TMEM184B: variants seen among roughly 807,000 people sequenced by gnomAD.
TMEM184B encodes transmembrane protein 184B, also known as putative MAPK-activating protein FM08.
Under a neutral mutation model 41.8 loss-of-function variants are expected in TMEM184B, and 17 were observed. The ratio of observed to expected loss-of-function variants is 0.41; its 90% CI spans 0.28 to 0.61. TMEM184B has a LOEUF of 0.61. Among genes scored for constraint, TMEM184B ranks in the 20% least tolerant of loss-of-function variants. The probability of loss-of-function intolerance (pLI) is 0.34; values close to 1 mark genes in which losing one functional copy is unlikely to be tolerated. For synonymous variants in TMEM184B, 240 were observed against 229.5 expected (o/e 1.05, Z -0.41); for missense variants, 393 against 557.8 (o/e 0.70, Z 2.98).
At chr22:38,230,774 C>T (rs371542740) in intron 4 of TMEM184B, 30 bp from the exon 5 acceptor site, 168 of 1,601,260 alleles carry the variant, frequency 1.0e-4, no homozygotes, top group Non-Finnish European at 1.3e-4. Flanking sequence ...CAGGCAGTGG[C>T]AGTGAGTGAA....
rs1420510576 is a variant in TMEM184B, at chr22:38,226,140, C to T, written c.618-547G>A. ...TGTCACCCAGGCTAGAGTGCAATGG[C>T]GTGATCTTGGCTCACCGCAACCTCT... is the stretch of plus-strand genomic sequence containing the variant. On this transcript the variant is annotated intron_variant, in intron 6 of 8. Transcript: ENST00000361906. The surrounding 1 kb of genome is among the most constrained non-coding windows in gnomAD (Gnocchi z 4.6). 6.7e-6 allele frequency among the ~76,000 whole-genome samples: 1 copy of T among 149,784 alleles called. No homozygotes were observed. The highest frequency in any genetic ancestry group is 1.5e-5 in the Non-Finnish European group (1 of 67,806).
chr22:38,227,502 C>T (rs1407263886), intron 5 of TMEM184B, among the ~76,000 whole-genome samples: 2 of 152,154 alleles, frequency 1.3e-5, no homozygotes, highest in East Asian at 3.9e-4. Context: ...TCCTCCCATC[C>T]TCCATGTCCA....
intron 1 of TMEM184B, among the ~76,000 whole-genome samples, chr22:38,250,419 G>A (rs999346508): frequency 2.6e-5 from 4 of 152,188 alleles, no homozygotes; most frequent in South Asian, 2.1e-4. Context: ...TGGAGAAGGC[G>A]TCTATATAAA....
chr22:38,262,426 C>T (rs371935775), intron 1 of TMEM184B, among the ~76,000 whole-genome samples: 10 of 152,158 alleles, frequency 6.6e-5, no homozygotes, highest in South Asian at 6.2e-4. Context: ...CTGCTCTGGA[C>T]GGAAAGGCAG....
chr22:38,231,310 C>T lies in TMEM184B; in HGVS notation c.383G>A (p.Ser128Asn). 3 of 1,614,150 alleles carry T rather than the reference C, an allele frequency of 1.9e-6. No individual in the cohort carries two copies. Among genetic ancestry groups the T allele is most frequent in the Non-Finnish European group, 1.7e-6 (2 of 1,180,034 alleles). ...TCCTCCTAGGTACTCATAGCACAGG[C>T]TCAGGAAATTATAGATGACCAAGGC... is the stretch of plus-strand genomic sequence containing the variant. The part of the protein sequence containing the change: ...YEALVIYNFL[S>N]LCYEYLGGES... Residue 128 changes from serine to asparagine, a missense_variant, in exon 4 of 9, where the codon AGC (serine) becomes AAC (asparagine). Around this residue, in one of 2 missense-constraint regions of TMEM184B, gnomAD observed 271 missense variants for 434.1 expected, o/e 0.62. Transcript: ENST00000361906.
intron 3 of TMEM184B, among the ~76,000 whole-genome samples, chr22:38,240,098 G>C (rs1415252519): frequency 6.6e-6 from 1 of 152,108 alleles, no homozygotes; most frequent in Non-Finnish European, 1.5e-5. Context: ...GGTATTTTAA[G>C]CCCTTCTTAT....
chr22:38,220,072 A>C lies in TMEM184B; in HGVS notation c.*1397T>G. 1 of 985,496 alleles carries C rather than the reference A, an allele frequency of 1.0e-6. No individual in the cohort carries two copies. Among genetic ancestry groups the C allele is most frequent in the Non-Finnish European group, 1.2e-6 (1 of 829,980 alleles). The allele number at this position is 985,496 out of a possible 1,614,324, so 61.0% of individuals were successfully genotyped here. A position where few individuals can be genotyped will look rare whatever the true frequency, so the allele number is the denominator to read the frequency against. On this transcript the variant is annotated 3_prime_UTR_variant, in exon 9 of 9. Transcript: ENST00000361906. ...CAGCTTCTCCAGGTGACTGCAGCCC[A>C]AACCCAGGGATAATCTGGGTTTTAA...
intron 3 of TMEM184B, among the ~76,000 whole-genome samples, chr22:38,245,460 C>T (rs35966128): frequency 8.0e-6 from 1 of 124,718 alleles, no homozygotes; most frequent in South Asian, 2.7e-4. Context: ...GACGCCAGCA[C>T]TAAGAAGCGA....
intron 3 of TMEM184B, among the ~76,000 whole-genome samples, chr22:38,243,382 G>A (rs1391245610): frequency 3.3e-5 from 5 of 152,086 alleles, no homozygotes; most frequent in African/African-American, 1.2e-4. Flanking sequence ...TTGGGGTCCC[G>A]CCGAGAAGAG....
rs904306384 is a variant in TMEM184B, at chr22:38,226,995, C to T, written c.526-125G>A. 2.1e-5 allele frequency: 19 copies of T among 926,490 alleles called. No homozygotes were observed. In the Middle Eastern group the frequency reaches 6.8e-4, roughly 33 times the overall value. The allele number at this position is 926,490 out of a possible 1,614,324, so 57.4% of individuals were successfully genotyped here. A position where few individuals can be genotyped will look rare whatever the true frequency, so the allele number is the denominator to read the frequency against. The stretch of plus-strand genomic sequence containing the variant: ...GAGAGGATGAAGGAGACGGAGAGGA[C>T]GGAGGGATGGAGGGACGGAGGGGAT... On this transcript the variant is annotated intron_variant, in intron 5 of 8. Transcript: ENST00000361906. This position sits in a 1 kb window ranked among gnomAD's most constrained non-coding sequence, Gnocchi z 4.6.
chr22:38,239,719 G>T lies in TMEM184B; in HGVS notation c.358+6216C>A, dbSNP rs764439931. On this transcript the variant is annotated intron_variant, in intron 3 of 8. Transcript: ENST00000361906. The surrounding 1 kb of genome is among the most constrained non-coding windows in gnomAD (Gnocchi z 4.6). ...TGGGACAACTTGGAGAAAATCCAAA[G>T]ACTAAGCCTGAATACGAAGGGCGAG... Among the ~76,000 whole-genome samples the T allele has an allele frequency of 1.1e-3, 162 of 152,206 alleles. No homozygotes were observed. The highest frequency in any genetic ancestry group is 1.3e-3 in the Non-Finnish European group (88 of 68,038).
intron 1 of TMEM184B, among the ~76,000 whole-genome samples, chr22:38,259,243 G>A (rs1321029076): frequency 3.3e-5 from 5 of 152,224 alleles, no homozygotes; most frequent in Non-Finnish European, 7.3e-5. Flanking sequence ...ACACCTTACT[G>A]CTGCTATCCC....
At chr22:38,272,693 G>T (rs1486662560) in intron 1 of TMEM184B, 191 bp downstream of exon 1, 4 of 985,472 alleles carry the variant, frequency 4.1e-6, no homozygotes, top group Non-Finnish European at 4.8e-6. Flanking sequence ...CGGAGAGGAG[G>T]CACGGGTGGG....
chr22:38,225,618 G>A lies in TMEM184B; in HGVS notation c.618-25C>T. The A allele has an allele frequency of 3.1e-6, 5 of 1,596,964 alleles. No individual in the cohort carries two copies. Among genetic ancestry groups the A allele is most frequent in the Non-Finnish European group, 3.4e-6 (4 of 1,173,758 alleles). On this transcript the variant is annotated intron_variant, in intron 6 of 8. Transcript: ENST00000361906. This position sits in a 1 kb window ranked among gnomAD's most constrained non-coding sequence, Gnocchi z 4.4. ...GCTGCGGGACGGGGAGCATTTTCTG[G>A]CTGGGACAGACCCTTGGAGGGAAGG... is the stretch of plus-strand genomic sequence containing the variant.
At chr22:38,267,617 G>C (rs896765982) in intron 1 of TMEM184B, among the ~76,000 whole-genome samples, 3 of 151,942 alleles carry the variant, frequency 2.0e-5, no homozygotes, top group African/African-American at 7.3e-5. Context: ...ATTTTTAGTA[G>C]AGACGGGGTT....
chr22:38,258,031 T>C (rs1272862882), intron 1 of TMEM184B, among the ~76,000 whole-genome samples: 2 of 152,134 alleles, frequency 1.3e-5, no homozygotes, highest in African/African-American at 4.8e-5. Context: ...ACATACAGCC[T>C]ACCTGCCAGT....
intron 1 of TMEM184B, among the ~76,000 whole-genome samples, chr22:38,262,507 G>C (rs1045758196): frequency 2.0e-5 from 3 of 152,238 alleles, no homozygotes; most frequent in Non-Finnish European, 4.4e-5. Flanking sequence ...AGGGGTGACA[G>C]GCCAAGTGCG....
chr22:38,271,055 C>T (rs1311986530), intron 1 of TMEM184B, among the ~76,000 whole-genome samples: 1 of 152,216 alleles, frequency 6.6e-6, no homozygotes, highest in African/African-American at 2.4e-5. Flanking sequence ...GAATAACCCA[C>T]CACCACCGTG....
chr22:38,245,917 CT>C lies in TMEM184B; in HGVS notation c.358+17del. ...CCCAGCCCCCCGCCAGCCCTCCCCACTCCGTCCCCATCCTCACCCTCATAGC... is the reference window on the plus strand; with the variant it reads ...CCCAGCCCCCCGCCAGCCCTCCCCACCCGTCCCCATCCTCACCCTCATAGC... On this transcript the variant is annotated intron_variant, in intron 3 of 8. Coordinates refer to ENST00000361906, the MANE Select transcript of TMEM184B (RefSeq NM_012264.5). The C allele has an allele frequency of 6.3e-7, 1 of 1,589,766 alleles. No homozygotes were observed. The highest frequency in any genetic ancestry group is 8.6e-7 in the Non-Finnish European group (1 of 1,165,754).
Sources: gnomAD v4.1 joint callset for allele counts (sites outside exome capture counted in the v4.1 genomes callset) on GRCh38, gnomAD v4.1.1 for gene constraint, gnomAD v4.1.1 regional missense constraint, Gnocchi (gnomAD v3.1) non-coding constraint, MANE v1.5 for transcripts, NCBI Gene and HGNC (gene_info 2026-07-23, HGNC 2026-07-21) for gene names.